Variants in COL4A2 observed in about 807,000 individuals in gnomAD.
The protein encoded by COL4A2 is collagen type IV alpha 2 chain.
In COL4A2, 99 loss-of-function variants were observed where a neutral mutation model predicts 200.2. The ratio of observed to expected loss-of-function variants is 0.49; its 90% confidence interval spans 0.42 to 0.58. COL4A2 has a LOEUF of 0.58. Ranked by LOEUF, COL4A2 falls within the 20% of genes least tolerant of loss-of-function variation. The pLI, the probability that COL4A2 is intolerant of heterozygous loss-of-function variation, is 0.00. For synonymous variants in COL4A2, 897 were observed against 900.6 expected (o/e 1.00, Z 0.07); for missense variants, 1,950 against 2,314.1 (o/e 0.84, Z 3.23).
chr13:110,341,334 C>A (rs974237603), intron 3 of COL4A2, among the ~76,000 whole-genome samples: 1 of 152,236 alleles, frequency 6.6e-6, no homozygotes, highest in Non-Finnish European at 1.5e-5. Context: ...GGCCGTCCAG[C>A]CCCTATGGAG....
At chr13:110,398,421 G>A (rs769891825) in intron 4 of COL4A2, among the ~76,000 whole-genome samples, 44 of 152,216 alleles carry the variant, frequency 2.9e-4, no homozygotes, top group Admixed American at 5.2e-4. Context: ...CACTTTGGGA[G>A]GCCAAGGTGG....
At chr13:110,405,520 G>A (rs753212316) in intron 4 of COL4A2, among the ~76,000 whole-genome samples, 2 of 152,022 alleles carry the variant, frequency 1.3e-5, no homozygotes, top group African/African-American at 2.4e-5. Context: ...TCCTAGAAGG[G>A]CATAAAACTT....
In COL4A2 at chr13:110,466,017, G is replaced by A; in HGVS notation, c.1993G>A (p.Val665Met). ...CTTCCCCCCAGATTGTGACACAGAT[G>A]TGAAAAGGGCCGTTGGAGGTGACAG... ...TPGQIDCDTD[V>M]KRAVGGDRQE... Residue 665 changes from valine to methionine, a missense_variant, in exon 26 of 48, where the codon GTG (valine) becomes ATG (methionine). Transcript: ENST00000360467. The A allele has an allele frequency of 1.2e-6, 2 of 1,613,876 alleles. No individual in the cohort carries two copies. Among genetic ancestry groups the A allele is most frequent in the East Asian group, 2.2e-5 (1 of 44,866 alleles).
chr13:110,352,484 C>G (rs1027543722), intron 3 of COL4A2, among the ~76,000 whole-genome samples: 2 of 152,228 alleles, frequency 1.3e-5, no homozygotes, highest in African/African-American at 4.8e-5. Flanking sequence ...TCTAATCTGC[C>G]CCCTACTCTA....
intron 8 of COL4A2, 168 bp from the exon 9 acceptor site, chr13:110,430,233 C>G: frequency 2.5e-6 from 2 of 812,260 alleles, no homozygotes; most frequent in South Asian, 3.5e-5. Flanking sequence ...AAAATATATT[C>G]TGACTAAATA....
Position 110,512,413 on chromosome 13 carries a change from A to C in COL4A2, c.*222A>C. 1 of 737,712 alleles carries C rather than the reference A, an allele frequency of 1.4e-6. No individual in the cohort carries two copies. Among genetic ancestry groups the C allele is most frequent in the Non-Finnish European group, 2.1e-6 (1 of 468,630 alleles). 45.7% of individuals were successfully genotyped at this position (737,712 alleles called of 1,614,324 possible). ...GCCCTGCCCACAGAAAGCCAGGAGC[A>C]GCCCTGGCCCCCATCAGCCCTGCTA... On this transcript the variant is annotated 3_prime_UTR_variant, in exon 48 of 48. Transcript: ENST00000360467.
rs764112824 is a variant in COL4A2, at chr13:110,508,236, C to T, written c.4881+15C>T. 2.5e-6 allele frequency: 4 copies of T among 1,609,716 alleles called. No homozygotes were observed. The highest frequency in any genetic ancestry group is 3.4e-6 in the Non-Finnish European group (4 of 1,176,588). On this transcript the variant is annotated intron_variant, in intron 47 of 47. Coordinates refer to ENST00000360467, the MANE Select transcript of COL4A2 (RefSeq NM_001846.4). The surrounding 1 kb of genome is among the most constrained non-coding windows in gnomAD (Gnocchi z 6.1). ...CCTTCCTCATGGTATGTGGTATTTG[C>T]CCAGTTCCCCTCCCCAACCACACCC... is the stretch of plus-strand genomic sequence containing the variant.
intron 3 of COL4A2, among the ~76,000 whole-genome samples, chr13:110,317,421 G>A (rs7334722): frequency 0.18 from 26,814 of 151,998 alleles, 3,050 homozygotes; most frequent in East Asian, 0.52. Flanking sequence ...GCCGGAGGAC[G>A]CTCCTGGTTT....
At chr13:110,395,088 G>A (rs1432832784) in intron 4 of COL4A2, among the ~76,000 whole-genome samples, 1 of 152,192 alleles carries the variant, frequency 6.6e-6, no homozygotes, top group Non-Finnish European at 1.5e-5. Flanking sequence ...GTTGGCCCTA[G>A]TGCCCAGAGG....
At chr13:110,384,327 T>A (rs560289888) in intron 4 of COL4A2, among the ~76,000 whole-genome samples, 1 of 152,316 alleles carries the variant, frequency 6.6e-6, no homozygotes, top group African/African-American at 2.4e-5. Context: ...CGACACCTTA[T>A]TAAAACAGAG....
chr13:110,379,455 T>C (rs531645739), intron 4 of COL4A2, among the ~76,000 whole-genome samples: 1 of 152,326 alleles, frequency 6.6e-6, no homozygotes, highest in South Asian at 2.1e-4. Flanking sequence ...AGCAAATACC[T>C]GAGTTCCTAC....
At chr13:110,377,896 A>G (rs910595906) in intron 4 of COL4A2, among the ~76,000 whole-genome samples, 1 of 152,022 alleles carries the variant, frequency 6.6e-6, no homozygotes, top group Non-Finnish European at 1.5e-5. Flanking sequence ...ACTTTTCTGG[A>G]AAAAAAAGTA....
At chr13:110,376,092 A>G (rs991003994) in intron 4 of COL4A2, among the ~76,000 whole-genome samples, 1 of 152,186 alleles carries the variant, frequency 6.6e-6, no homozygotes, top group African/African-American at 2.4e-5. Context: ...GGAAAGAACT[A>G]TCTGACATTC....
Position 110,480,094 on chromosome 13 carries a change from A to T in COL4A2, c.2588-126A>T, listed in dbSNP as rs539346692. The stretch of plus-strand genomic sequence containing the variant: ...CCACACTTTGGAAACTCACCCCAAC[A>T]TGGTGGTTTTCCACTTTCCTTCTAA... On this transcript the variant is annotated intron_variant, in intron 30 of 47. Transcript: ENST00000360467. 139 of 1,068,202 alleles carry T rather than the reference A, an allele frequency of 1.3e-4. 2 individuals carry two copies. In the South Asian group the frequency reaches 2.1e-3, roughly 16 times the overall value. The allele number at this position is 1,068,202 out of a possible 1,614,324, so 66.2% of individuals were successfully genotyped here.
intron 3 of COL4A2, among the ~76,000 whole-genome samples, chr13:110,332,202 G>A (rs1350183911): frequency 6.6e-6 from 1 of 152,106 alleles, no homozygotes; most frequent in Non-Finnish European, 1.5e-5. Context: ...AGTCAAGAAA[G>A]GCTTATTAGC....
intron 22 of COL4A2, among the ~76,000 whole-genome samples, chr13:110,461,456 T>A (rs1882022808): frequency 6.6e-6 from 1 of 152,274 alleles, no homozygotes; most frequent in Non-Finnish European, 1.5e-5. Context: ...AAGATGGGCC[T>A]AGGACCTGGG....
At chr13:110,469,040 A>AT (rs1197038280) in intron 27 of COL4A2, among the ~76,000 whole-genome samples, 177 bp from the exon 28 acceptor site, 1 of 152,194 alleles carries the variant, frequency 6.6e-6, no homozygotes, top group African/African-American at 2.4e-5. Context: ...CGTAAACAGG[A>AT]TTTTAAACAC....
intron 4 of COL4A2, among the ~76,000 whole-genome samples, chr13:110,377,568 A>G (rs1297381595): frequency 1.3e-5 from 2 of 152,192 alleles, no homozygotes; most frequent in Non-Finnish European, 2.9e-5. Context: ...ATGGGGAATC[A>G]GGAGGGTGGG....
chr13:110,333,184 C>A (rs1468341756), intron 3 of COL4A2, among the ~76,000 whole-genome samples: 1 of 152,210 alleles, frequency 6.6e-6, no homozygotes, highest in Non-Finnish European at 1.5e-5. Flanking sequence ...AGGCCACTGG[C>A]CCGGTTACTC....
Sources: gnomAD v4.1 joint callset for allele counts (sites outside exome capture counted in the v4.1 genomes callset) on GRCh38, gnomAD v4.1.1 for gene constraint, Gnocchi (gnomAD v3.1) non-coding constraint, MANE v1.5 for transcripts, NCBI Gene and HGNC (gene_info 2026-07-23, HGNC 2026-07-21) for gene names.